The following FHDC1 variants were observed in gnomAD, a reference collection of about 807,000 sequenced individuals.
FHDC1 encodes the protein FH2 domain containing 1, also known as FH2 domain-containing protein 1.
Under a neutral mutation model 52.6 loss-of-function variants are expected in FHDC1, and 25 were observed. That is an observed-to-expected ratio of 0.48 (90% CI 0.35 to 0.66). The LOEUF (loss-of-function observed/expected upper bound fraction) is 0.66. FHDC1 is among the 30% of genes least tolerant of loss of function. The pLI is 0.01. For synonymous variants in FHDC1, 616 were observed against 581.5 expected (o/e 1.06, Z -0.85); for missense variants, 1,459 against 1,452.8 (o/e 1.00, Z -0.07).
At chr4:152,916,283 G>T in the FHDC1 span, among the ~76,000 whole-genome samples, 2 of 152,056 alleles carry the variant, frequency 1.3e-5, no homozygotes, top group South Asian at 4.1e-4. Flanking sequence ...GTTTTTTTAG[G>T]TATGATATTA....
At chr4:152,970,400 G>A (rs1278813755) in intron 10 of FHDC1, among the ~76,000 whole-genome samples, 2 of 152,194 alleles carry the variant, frequency 1.3e-5, no homozygotes, top group African/African-American at 4.8e-5. Context: ...AACTTCAAGT[G>A]TGGTTACTGT....
upstream of FHDC1, among the ~76,000 whole-genome samples, chr4:152,935,425 T>C (rs754924647): frequency 3.3e-5 from 5 of 152,132 alleles, no homozygotes; most frequent in African/African-American, 4.8e-5. Context: ...CTTTGACTAC[T>C]TGCTTCTCAC....
Position 152,972,915 on chromosome 4 carries a change from G to A in FHDC1, c.1383+374G>A, listed in dbSNP as rs6826575. On this transcript the variant is annotated intron_variant, in intron 11 of 11. Coordinates refer to ENST00000511601, the MANE Select transcript of FHDC1 (RefSeq NM_001371116.1). ...TTCTCTCCCGCTCCCAGAAGAGAAC[G>A]TCCTCTTCCAGGGAGACTTCTGTTG... is the stretch of plus-strand genomic sequence containing the variant. 2.6e-3 allele frequency among the ~76,000 whole-genome samples: 398 copies of A among 152,330 alleles called. 1 individual carries two copies. Among genetic ancestry groups the A allele is most frequent in the African/African-American group, 8.3e-3 (347 of 41,572 alleles).
At chr4:152,916,445 AG>A in the FHDC1 span, among the ~76,000 whole-genome samples, 10 of 152,300 alleles carry the variant, frequency 6.6e-5, no homozygotes, top group East Asian at 1.7e-3. Flanking sequence ...GAAAGCTGGA[AG>A]AGAAAAAGGA....
the FHDC1 span, among the ~76,000 whole-genome samples, chr4:152,923,686 C>A: frequency 3.3e-5 from 5 of 152,076 alleles, no homozygotes; most frequent in African/African-American, 1.2e-4. Context: ...AGAACAGAGC[C>A]CTCAGAAATA....
At chr4:152,919,989 C>T in the FHDC1 span, among the ~76,000 whole-genome samples, 2 of 127,350 alleles carry the variant, frequency 1.6e-5, no homozygotes, top group Non-Finnish European at 3.1e-5. Flanking sequence ...TCTGTGTTGC[C>T]GAGGTTGGAG....
the FHDC1 span, among the ~76,000 whole-genome samples, chr4:152,926,475 G>A: frequency 2.7e-5 from 4 of 150,084 alleles, no homozygotes; most frequent in Non-Finnish European, 5.9e-5. Context: ...CTTGATTTAG[G>A]AACAAAACCC....
Position 152,971,223 on chromosome 4 carries a change from G to A in FHDC1, c.1219-1154G>A, listed in dbSNP as rs182519225. On this transcript the variant is annotated intron_variant, in intron 10 of 11. Coordinates refer to ENST00000511601, the MANE Select transcript of FHDC1 (RefSeq NM_001371116.1). The stretch of plus-strand genomic sequence containing the variant: ...ATTTAAATATTAACTGGGTGTAGTG[G>A]TGCATAGCTATAGTCCCTGCTACTC... Among the ~76,000 whole-genome samples, 206 of 152,262 alleles carry A rather than the reference G, an allele frequency of 1.4e-3. 1 individual carries two copies. The highest frequency in any genetic ancestry group is 4.1e-3 in the African/African-American group (170 of 41,546).
intron 4 of FHDC1, among the ~76,000 whole-genome samples, chr4:152,957,932 C>A (rs1489164809): frequency 6.6e-6 from 1 of 152,106 alleles, no homozygotes; most frequent in Non-Finnish European, 1.5e-5. Flanking sequence ...CCCCACCACG[C>A]CTGACCAGCC....
chr4:152,917,469 A>C, the FHDC1 span, among the ~76,000 whole-genome samples: 1 of 152,220 alleles, frequency 6.6e-6, no homozygotes, highest in African/African-American at 2.4e-5. Flanking sequence ...TCCTCAAATA[A>C]GTAAAGGATA....
At chr4:152,957,169 A>G (rs1740113848) in intron 4 of FHDC1, among the ~76,000 whole-genome samples, 2 of 152,294 alleles carry the variant, frequency 1.3e-5, no homozygotes, top group South Asian at 2.1e-4. Context: ...TCGTAAGTGG[A>G]CACATTACCA....
intron 9 of FHDC1, 95 bp from the exon 10 acceptor site, chr4:152,967,885 T>A: frequency 2.3e-6 from 2 of 864,298 alleles, no homozygotes; most frequent in Non-Finnish European, 3.7e-6. Context: ...CCCCTTCTGT[T>A]TCCAAGGTTG....
chr4:152,942,569 T>C (rs542460651), intron 1 of FHDC1, among the ~76,000 whole-genome samples: 1 of 152,220 alleles, frequency 6.6e-6, no homozygotes, highest in Non-Finnish European at 1.5e-5. Context: ...GCAGTTTCCC[T>C]AGGGGTTGGG....
upstream of FHDC1, among the ~76,000 whole-genome samples, chr4:152,933,536 C>T (rs1237823929): frequency 6.6e-6 from 1 of 151,668 alleles, no homozygotes; most frequent in East Asian, 1.9e-4. Context: ...AGATTGAGAC[C>T]ATTCTGGCCA....
At chr4:152,916,069 T>C in the FHDC1 span, among the ~76,000 whole-genome samples, 4 of 152,254 alleles carry the variant, frequency 2.6e-5, no homozygotes, top group East Asian at 3.9e-4. Flanking sequence ...GAAGAATCAA[T>C]TGGACAAATC....
intron 4 of FHDC1, among the ~76,000 whole-genome samples, chr4:152,957,062 G>A (rs1463964040): frequency 2.0e-5 from 3 of 152,190 alleles, no homozygotes; most frequent in African/African-American, 7.2e-5. Context: ...GAGTCTTTGG[G>A]TCTCTGGATG....
intron 2 of FHDC1, among the ~76,000 whole-genome samples, chr4:152,945,202 G>C (rs889508868): frequency 6.6e-6 from 1 of 152,210 alleles, no homozygotes. Flanking sequence ...CTCAGAGAGA[G>C]AGAGAGGAAA....
rs113707576 is a variant in FHDC1, at chr4:152,978,592, T to A, written c.*1869T>A. On this transcript the variant is annotated 3_prime_UTR_variant, in exon 12 of 12. Transcript: ENST00000511601. ...TTCTACCCAATGCCCATTTCACGAC[T>A]CCTCTGAGACTAATTGGGAAACGGG... 2.6e-5 allele frequency: 4 copies of A among 152,186 alleles called. No individual in the cohort carries two copies. Among genetic ancestry groups the A allele is most frequent in the Non-Finnish European group, 4.4e-5 (3 of 68,036 alleles). The allele number at this position is 152,186 out of a possible 1,614,324, so 9.4% of individuals were successfully genotyped here.
upstream of FHDC1, among the ~76,000 whole-genome samples, chr4:152,935,597 T>G (rs1395882479): frequency 1.3e-5 from 2 of 152,144 alleles, no homozygotes; most frequent in Admixed American, 1.3e-4. Context: ...ACCTAAAGGT[T>G]TCTGTTACCA....
Sources: allele counts gnomAD v4.1 joint callset (sites outside exome capture counted in the v4.1 genomes callset), GRCh38; gene constraint gnomAD v4.1.1; transcripts MANE v1.5; gene names NCBI Gene and HGNC (gene_info 2026-07-23, HGNC 2026-07-21).